Variants in GRIA3 observed in about 807,000 individuals in gnomAD.
GRIA3 encodes the protein glutamate ionotropic receptor AMPA type subunit 3, also known as glutamate receptor 3.
GRIA3 carries 3 observed loss-of-function variants against 63.0 expected under a neutral mutation model. The observed-to-expected ratio is 0.05, with a 90% CI of 0.02 to 0.12. GRIA3 has a LOEUF of 0.12. Ranked by LOEUF, GRIA3 falls within the 10% of genes least tolerant of loss-of-function variation. The probability of loss-of-function intolerance (pLI) is 1.00; values close to 1 mark genes in which losing one functional copy is unlikely to be tolerated. For synonymous variants in GRIA3, 274 were observed against 257.9 expected, an observed-to-expected ratio of 1.06 and a Z score of -0.60; for missense variants, 347 against 700.9, an observed-to-expected ratio of 0.50 and a Z score of 5.70.
chrX:123,382,431 C>T (rs146306014), intron 5 of GRIA3, among the ~76,000 whole-genome samples: 3 of 112,115 alleles, frequency 2.7e-5, no homozygotes, highest in Non-Finnish European at 5.6e-5. Flanking sequence ...GAACTCATTC[C>T]CGGGATGTCT....
At chrX:123,465,879 C>T in intron 13 of GRIA3, 6 of 699,204 alleles carry the variant, frequency 8.6e-6, no homozygotes, top group Non-Finnish European at 1.4e-5. Context: ...GCACAAGACT[C>T]ACACATAAAG....
intron 3 of GRIA3, among the ~76,000 whole-genome samples, chrX:123,268,580 A>T (rs1255584293): frequency 9.0e-6 from 1 of 110,715 alleles, no homozygotes; most frequent in Non-Finnish European, 1.9e-5. Flanking sequence ...TTTTTATCCC[A>T]CCACTTCTAT....
At chrX:123,458,381 G>A (rs190323006) in intron 12 of GRIA3, among the ~76,000 whole-genome samples, 57 of 109,562 alleles carry the variant, frequency 5.2e-4, no homozygotes, top group African/African-American at 1.9e-3. Flanking sequence ...GGAGACAGAA[G>A]TAGGATTGGA....
chrX:123,381,874 T>C (rs770030774), intron 5 of GRIA3, among the ~76,000 whole-genome samples: 1 of 112,340 alleles, frequency 8.9e-6, no homozygotes, highest in Admixed American at 9.4e-5. Flanking sequence ...TATCCACCTG[T>C]CTATTACTCA....
intron 11 of GRIA3, among the ~76,000 whole-genome samples, chrX:123,421,841 T>C (rs191360819): frequency 4.5e-5 from 5 of 112,018 alleles, no homozygotes; most frequent in Non-Finnish European, 7.5e-5. Context: ...TCAGATTAAA[T>C]AATTTGCCCA....
chrX:123,337,388 A>G (rs1311925473), intron 4 of GRIA3, among the ~76,000 whole-genome samples: 1 of 112,165 alleles, frequency 8.9e-6, no homozygotes, highest in Non-Finnish European at 1.9e-5. Flanking sequence ...AATTATCTCA[A>G]TAGCAGAAAT....
At chrX:123,463,710 AAG>A (rs2045816476) in intron 12 of GRIA3, among the ~76,000 whole-genome samples, 1 of 105,545 alleles carries the variant, frequency 9.5e-6, no homozygotes, top group East Asian at 3.0e-4. Context: ...AAAAGAAAGA[AAG>A]AAAGAAAGAA....
At chrX:123,196,303 G>A (rs140937293) in intron 2 of GRIA3, among the ~76,000 whole-genome samples, 80 of 111,913 alleles carry the variant, frequency 7.1e-4, no homozygotes, top group African/African-American at 2.3e-3. Context: ...CAATCATTAC[G>A]TACTTTTTGT....
At chrX:123,184,849 G>A (rs914167422) in intron 1 of GRIA3, 5 of 500,880 alleles carry the variant, frequency 1.0e-5, no homozygotes. Flanking sequence ...AAGAGCCTCT[G>A]GGACAAGAGA....
At chrX:123,410,773 A>T (rs986993873) in intron 10 of GRIA3, among the ~76,000 whole-genome samples, 3 of 111,767 alleles carry the variant, frequency 2.7e-5, no homozygotes, top group African/African-American at 9.8e-5. Flanking sequence ...TTAAGGACAC[A>T]TGAAGTATGC....
At chrX:123,325,950 G>T in intron 3 of GRIA3, 76 bp from the exon 4 acceptor site, 1 of 879,429 alleles carries the variant, frequency 1.1e-6, no homozygotes, top group South Asian at 2.1e-5. Flanking sequence ...GATGGACTGT[G>T]ACTAGAAATT....
intron 14 of GRIA3, among the ~76,000 whole-genome samples, chrX:123,482,439 C>G: frequency 8.9e-6 from 1 of 111,789 alleles, no homozygotes; most frequent in Non-Finnish European, 1.9e-5. Context: ...CCGCTCAACT[C>G]TGGCAAATGG....
At chrX:123,453,618 AACACAC>A (rs780732296) in intron 12 of GRIA3, among the ~76,000 whole-genome samples, 30 of 103,388 alleles carry the variant, frequency 2.9e-4, no homozygotes, top group African/African-American at 8.8e-4. Flanking sequence ...TCAGGTTTTC[AACACAC>A]ACACACACAC....
At position 123,489,136 on chromosome X, in the gene GRIA3, A is replaced by G. The variant is rs970857619; in HGVS notation, c.*426A>G. ...ACACACATTTAAATTCCAATTCAGCAAAGAGGCCCATCTAAGCTAAAAAAA... is the reference window on the plus strand; with the variant it reads ...ACACACATTTAAATTCCAATTCAGCGAAGAGGCCCATCTAAGCTAAAAAAA... On this transcript the variant is annotated 3_prime_UTR_variant, in exon 16 of 16. Transcript: ENST00000620443. The G allele has an allele frequency of 9.1e-6, 1 of 109,405 alleles. No homozygotes were observed. The highest frequency in any genetic ancestry group is 3.4e-5 in the African/African-American group (1 of 29,738). The allele number at this position is 109,405 out of a possible 1,213,427, so 9.0% of individuals were successfully genotyped here.
chrX:123,252,331 C>T (rs978564177), intron 2 of GRIA3, among the ~76,000 whole-genome samples: 12 of 112,229 alleles, frequency 1.1e-4, no homozygotes, highest in Non-Finnish European at 1.9e-4. Context: ...ATGCAGGACC[C>T]CTTAAATCAC....
intron 12 of GRIA3, among the ~76,000 whole-genome samples, chrX:123,447,198 C>T (rs1267631011): frequency 9.0e-6 from 1 of 111,421 alleles, no homozygotes; most frequent in African/African-American, 3.3e-5. Flanking sequence ...GCCTGGCCAA[C>T]ATGGTGAAAT....
intron 4 of GRIA3, among the ~76,000 whole-genome samples, chrX:123,336,276 A>C (rs928083733): frequency 8.9e-6 from 1 of 112,380 alleles, no homozygotes; most frequent in African/African-American, 3.2e-5. Context: ...CTAACATGGA[A>C]GGGCAAGGGA....
At chrX:123,266,490 T>C (rs2044489445) in intron 3 of GRIA3, among the ~76,000 whole-genome samples, 1 of 111,294 alleles carries the variant, frequency 9.0e-6, no homozygotes, top group African/African-American at 3.3e-5. Flanking sequence ...AAGACCTTCG[T>C]CTACGTTTCC....
At chrX:123,184,988 A>G in intron 1 of GRIA3, 1 of 367,439 alleles carries the variant, frequency 2.7e-6, no homozygotes, top group South Asian at 2.6e-5. Flanking sequence ...GCTGCTCTGG[A>G]CTTTGCCATG....
Sources: gnomAD v4.1 joint callset for allele counts (sites outside exome capture counted in the v4.1 genomes callset) on GRCh38, gnomAD v4.1.1 for gene constraint, MANE v1.5 for transcripts, NCBI Gene and HGNC (gene_info 2026-07-23, HGNC 2026-07-21) for gene names.